The following NFIC variants were observed in gnomAD, a reference collection of about 807,000 sequenced individuals.
NFIC encodes the protein nuclear factor 1 C-type.
A neutral mutation model predicts 54.4 loss-of-function variants in NFIC; 12 were observed. The observed-to-expected ratio is 0.22, with a 90% CI of 0.14 to 0.36. NFIC has a LOEUF of 0.36. Ranked by LOEUF, NFIC falls within the 10% of genes least tolerant of loss-of-function variation. NFIC has a pLI of 1.00. For synonymous variants in NFIC, 322 were observed against 319.2 expected (o/e 1.01, Z -0.09); for missense variants, 575 against 718.2 (o/e 0.80, Z 2.28).
chr19:3,377,811 G>A (rs1178281175), intron 1 of NFIC, among the ~76,000 whole-genome samples: 3 of 151,940 alleles, frequency 2.0e-5, no homozygotes, highest in Non-Finnish European at 2.9e-5. Flanking sequence ...TAGTAGAGAC[G>A]GGGTTTCGAC....
In NFIC at chr19:3,467,231, T is replaced by G. The variant is rs2082729136; in HGVS notation, c.*4462T>G. The G allele has an allele frequency of 4.7e-5, 1 of 21,198 alleles. No homozygotes were observed. The highest frequency in any genetic ancestry group is 2.1e-4 in the African/African-American group (1 of 4,744). The allele number at this position is 21,198 out of a possible 1,614,324, so 1.3% of individuals were successfully genotyped here. On this transcript the variant is annotated 3_prime_UTR_variant, in exon 11 of 11. Coordinates refer to ENST00000443272, the MANE Select transcript of NFIC (RefSeq NM_001245002.2). The stretch of plus-strand genomic sequence containing the variant: ...TGCCAGGCCCCCCCCCCCACCCCAG[T>G]CTCATTCTGGGGTCTGCCCATGCTG...
rs1373208525 is a variant in NFIC at position 3,467,900 on chromosome 19, GACAT to G, written c.*5136_*5139del. 6.6e-6 allele frequency: 1 copy of G among 151,098 alleles called. No individual in the cohort carries two copies. The highest frequency in any genetic ancestry group is 2.0e-4 in the East Asian group (1 of 5,102). The allele number at this position is 151,098 out of a possible 1,614,324, so 9.4% of individuals were successfully genotyped here. On this transcript the variant is annotated 3_prime_UTR_variant, in exon 11 of 11. Coordinates refer to ENST00000443272, the MANE Select transcript of NFIC (RefSeq NM_001245002.2). ...TTACTTTCTCTTTGGAGGGCGCTGG[GACAT>G]ACATCTCTCAATCCAGCTTCCTCCG...
intron 9 of NFIC, among the ~76,000 whole-genome samples, chr19:3,455,034 T>G (rs1242337450): frequency 6.6e-6 from 1 of 152,174 alleles, no homozygotes; most frequent in Non-Finnish European, 1.5e-5. Flanking sequence ...AGCTGCAAAG[T>G]GGGTTTGCCT....
chr19:3,382,356 G>A, intron 2 of NFIC, 113 bp downstream of exon 2: 2 of 1,412,476 alleles, frequency 1.4e-6, no homozygotes, highest in South Asian at 1.3e-5. Context: ...ATGATGTGGT[G>A]GTCTGAGAGG....
In NFIC at chr19:3,394,530, A is replaced by AC. The variant is rs1270123415; in HGVS notation, c.562+12290dup. 2.4e-3 allele frequency among the ~76,000 whole-genome samples: 89 copies of AC among 36,626 alleles called. 6 individuals are homozygous for AC. The highest frequency in any genetic ancestry group is 0.013 in the South Asian group (10 of 770). 24.0% of individuals were successfully genotyped at this position (36,626 alleles called of 152,430 possible). A position where few individuals can be genotyped will look rare whatever the true frequency, so the allele number is the denominator to read the frequency against. On this transcript the variant is annotated intron_variant, in intron 2 of 10. Transcript: ENST00000443272. ...ATGATCTTTTCCCCACCCACCCCCC[A>AC]CCCGCTTACACTAAGTCTGAAATTT...
intron 1 of NFIC, among the ~76,000 whole-genome samples, chr19:3,376,360 C>T (rs1441136224): frequency 1.7e-5 from 2 of 119,180 alleles, no homozygotes; most frequent in Admixed American, 1.2e-4. Context: ...ACCCAGGAGG[C>T]GGAGGTTGCA....
At chr19:3,368,913 C>CTGTGTGTGTG (rs59920512) in intron 1 of NFIC, among the ~76,000 whole-genome samples, 2,423 of 147,030 alleles carry the variant, frequency 0.016, 54 homozygotes, top group African/African-American at 0.052. Context: ...TGCTCTGACT[C>CTGTGTGTGTG]TGTGTGTGTG....
At chr19:3,408,077 A>G (rs2081683929) in intron 2 of NFIC, among the ~76,000 whole-genome samples, 1 of 151,942 alleles carries the variant, frequency 6.6e-6, no homozygotes, top group East Asian at 1.9e-4. Flanking sequence ...TGGGAGGCGG[A>G]CGTGGCAGCC....
chr19:3,401,947 CCTG>C (rs1335713582), intron 2 of NFIC, among the ~76,000 whole-genome samples: 10 of 152,188 alleles, frequency 6.6e-5, no homozygotes, highest in Non-Finnish European at 1.5e-4. Context: ...GTCTCAAACT[CCTG>C]AACTCAATTG....
chr19:3,385,506 T>G lies in NFIC; in HGVS notation c.562+3263T>G, dbSNP rs731483. On this transcript the variant is annotated intron_variant, in intron 2 of 10. Coordinates refer to ENST00000443272, the MANE Select transcript of NFIC (RefSeq NM_001245002.2). ...GGTTATCGTTACTAACATTATCCTC[T>G]TCGGGATTGGTTTGTTTGTTTGTTA... is the stretch of plus-strand genomic sequence containing the variant. Among the ~76,000 whole-genome samples the G allele has an allele frequency of 0.01, 1,522 of 152,056 alleles. 52 individuals carry two copies. The East Asian group carries it at 0.11, about 11-fold the overall frequency.
chr19:3,410,109 C>T (rs949914882), intron 2 of NFIC, among the ~76,000 whole-genome samples: 1 of 152,022 alleles, frequency 6.6e-6, no homozygotes, highest in African/African-American at 2.4e-5. Context: ...GGTTCGATCT[C>T]GGCTCACTGC....
intron 2 of NFIC, among the ~76,000 whole-genome samples, chr19:3,419,167 T>G (rs1416242779): frequency 6.6e-6 from 1 of 152,160 alleles, no homozygotes; most frequent in Non-Finnish European, 1.5e-5. Flanking sequence ...GATGGCTGCA[T>G]GGCCATTGGA....
rs555348191 is a variant in NFIC, at chr19:3,380,905, C to T, written c.31-807C>T. Among the ~76,000 whole-genome samples the T allele has an allele frequency of 3.3e-5, 5 of 152,248 alleles. No homozygotes were observed. In the South Asian group the frequency reaches 6.2e-4, roughly 19 times the overall value. On this transcript the variant is annotated intron_variant, in intron 1 of 10. Transcript: ENST00000443272. ...CTGGGCTCAAGCAGTCCTCCCTCCT[C>T]GGCCTCCCGAAGCGCTGGGATTACA...
chr19:3,391,925 G>A (rs969542291), intron 2 of NFIC, among the ~76,000 whole-genome samples: 2 of 152,066 alleles, frequency 1.3e-5, no homozygotes, highest in African/African-American at 2.4e-5. Flanking sequence ...TATCATGATC[G>A]TCATCACTGT....
At chr19:3,404,425 A>AG (rs1289479763) in intron 2 of NFIC, among the ~76,000 whole-genome samples, 1 of 151,766 alleles carries the variant, frequency 6.6e-6, no homozygotes, top group Non-Finnish European at 1.5e-5. Context: ...GGGGGCGCGG[A>AG]GGCGTGGGGA....
chr19:3,415,675 G>A (rs1231668050), intron 2 of NFIC, among the ~76,000 whole-genome samples: 1 of 152,082 alleles, frequency 6.6e-6, no homozygotes, highest in African/African-American at 2.4e-5. Context: ...CTCATTACAG[G>A]GGTTTGGAGC....
At chr19:3,440,877 G>T (rs2082284026) in intron 6 of NFIC, among the ~76,000 whole-genome samples, 1 of 152,194 alleles carries the variant, frequency 6.6e-6, no homozygotes, top group Non-Finnish European at 1.5e-5. Flanking sequence ...TGTCGCCCAG[G>T]ATGGAGTGCA....
At chr19:3,362,986 C>A (rs145662169), upstream of NFIC, among the ~76,000 whole-genome samples, 409 of 152,022 alleles carry the variant, frequency 2.7e-3, no homozygotes, top group Non-Finnish European at 3.5e-3. Flanking sequence ...ATTACTGAAG[C>A]CATTAGTGAT....
At chr19:3,438,987 C>G (rs1217669342) in intron 6 of NFIC, among the ~76,000 whole-genome samples, 1 of 152,124 alleles carries the variant, frequency 6.6e-6, no homozygotes, top group Non-Finnish European at 1.5e-5. Context: ...GGAGGAGAAT[C>G]AGGCTGACAG....
Sources: allele counts gnomAD v4.1 joint callset (sites outside exome capture counted in the v4.1 genomes callset), GRCh38; gene constraint gnomAD v4.1.1; transcripts MANE v1.5; gene names NCBI Gene and HGNC (gene_info 2026-07-23, HGNC 2026-07-21).